The following STK11IP variants were observed in gnomAD, a reference collection of about 807,000 sequenced individuals.
The protein encoded by STK11IP is serine/threonine-protein kinase 11-interacting protein.
Under a neutral mutation model 131.7 loss-of-function variants are expected in STK11IP, and 103 were observed. The ratio of observed to expected loss-of-function variants is 0.78; its 90% confidence interval spans 0.67 to 0.92. The LOEUF is 0.92. STK11IP is among the 40% of genes least tolerant of loss of function. The pLI, the probability that STK11IP is intolerant of heterozygous loss-of-function variation, is 0.00. For synonymous variants in STK11IP, 557 were observed against 575.6 expected (o/e 0.97, Z 0.46); for missense variants, 1,315 against 1,385.7 (o/e 0.95, Z 0.81).
Position 219,601,446 on chromosome 2 carries a change from G to A in STK11IP, c.267+6G>A. On this transcript the variant is annotated splice_donor_region_variant and intron_variant, in intron 3 of 24. Transcript: ENST00000456909. ...AGAAAACACTTTCACTCAAGGTTCT[G>A]GGTGTGGGGAAGAGGCAGGATGTGC... The A allele has an allele frequency of 1.2e-6, 2 of 1,613,924 alleles. No homozygotes were observed. Among genetic ancestry groups the A allele is most frequent in the Non-Finnish European group, 1.7e-6 (2 of 1,179,848 alleles).
chr2:219,608,468 G>A (rs1309550902), intron 14 of STK11IP, 38 bp downstream of exon 14: 1 of 1,534,904 alleles, frequency 6.5e-7, no homozygotes. Context: ...TGAGGCCAGG[G>A]GCCCTTGGGA....
At chr2:219,615,402 C>G (rs932993918) in intron 24 of STK11IP, 61 bp downstream of exon 24, 9 of 1,554,136 alleles carry the variant, frequency 5.8e-6, no homozygotes, top group Non-Finnish European at 7.8e-6. Context: ...AGGTTGGGGC[C>G]ATGAGGGCAG....
Position 219,615,132 on chromosome 2 carries a change from T to C in STK11IP, c.2908T>C (p.Ser970Pro). Reference protein sequence around the residue: ...TCLVSLLLTPSTLFLLDEDAA... With the variant: ...TCLVSLLLTPPTLFLLDEDAA... ...CCTCGTATCCCTGTTGCTGACTCCGTCCACCCTGTTCCTGTTAGATGAGGA... is the reference window on the plus strand; with the variant it reads ...CCTCGTATCCCTGTTGCTGACTCCGCCCACCCTGTTCCTGTTAGATGAGGA... The change falls in exon 24 of 25, where the codon TCC (serine) becomes CCC (proline). Residue 970 changes from serine (S) to proline (P), a missense_variant. By Grantham distance (74) the Ser-to-Pro change is moderately conservative. Transcript: ENST00000456909. The C allele has an allele frequency of 6.2e-7, 1 of 1,609,104 alleles. No individual in the cohort carries two copies. Among genetic ancestry groups the C allele is most frequent in the Non-Finnish European group, 8.5e-7 (1 of 1,178,988 alleles).
chr2:219,612,659 C>T (rs547979216), intron 19 of STK11IP, among the ~76,000 whole-genome samples: 1 of 152,116 alleles, frequency 6.6e-6, no homozygotes, highest in African/African-American at 2.4e-5. Flanking sequence ...CCGAGAGTGT[C>T]GCTGGTGGGG....
At chr2:219,614,052 A>T (rs1698496814) in intron 21 of STK11IP, 109 bp from the exon 22 acceptor site, 2 of 1,523,792 alleles carry the variant, frequency 1.3e-6, no homozygotes, top group African/African-American at 1.4e-5. Context: ...TCCCTTGTAG[A>T]AGTTTCTGAA....
chr2:219,598,815 TGTG>T (rs962760142), intron 2 of STK11IP, among the ~76,000 whole-genome samples: 5 of 152,250 alleles, frequency 3.3e-5, no homozygotes, highest in African/African-American at 1.2e-4. Flanking sequence ...TGGCATTAGT[TGTG>T]GTAGAAAAAG....
At chr2:219,612,372 G>A (rs958606701) in intron 19 of STK11IP, among the ~76,000 whole-genome samples, 7 of 152,342 alleles carry the variant, frequency 4.6e-5, no homozygotes, top group East Asian at 1.9e-4. Context: ...ACATGATGTC[G>A]TTAGGCCTTT....
chr2:219,603,147 T>C (rs557307869), intron 7 of STK11IP, among the ~76,000 whole-genome samples: 61 of 147,666 alleles, frequency 4.1e-4, no homozygotes, highest in African/African-American at 1.3e-3. Context: ...GTTCAAGCAA[T>C]TCTCCTGCTT....
At chr2:219,604,048 G>A (rs1159132851) in intron 7 of STK11IP, among the ~76,000 whole-genome samples, 1 of 152,166 alleles carries the variant, frequency 6.6e-6, no homozygotes, top group Non-Finnish European at 1.5e-5. Flanking sequence ...TTTGCTAAAA[G>A]TTAGGCTCCT....
intron 16 of STK11IP, 44 bp from the exon 17 acceptor site, chr2:219,609,319 G>T: frequency 6.2e-7 from 1 of 1,602,908 alleles, no homozygotes; most frequent in East Asian, 2.2e-5. Context: ...GTGTCCGTCT[G>T]GGGTCCGCCT....
chr2:219,599,745 T>G (rs1442785682), intron 2 of STK11IP, among the ~76,000 whole-genome samples: 6 of 152,124 alleles, frequency 3.9e-5, no homozygotes, highest in Non-Finnish European at 7.4e-5. Flanking sequence ...AATTTTTTTT[T>G]TTTTTTGAGA....
chr2:219,612,141 A>G, intron 19 of STK11IP, 83 bp downstream of exon 19: 1 of 1,265,482 alleles, frequency 7.9e-7, no homozygotes, highest in Non-Finnish European at 1.1e-6. Context: ...AGTCAGATCA[A>G]GCACTCTAGA....
At position 219,611,955 on chromosome 2, in the gene STK11IP, C is replaced by T. The variant is rs774847500; in HGVS notation, c.2336C>T (p.Pro779Leu). ...GCTGATGCCCCCTCATTGCCCTCAG[C>T]CCCTGAGCGCTGTGGCCTCCGCTCT... is the stretch of plus-strand genomic sequence containing the variant. ...RDHGSWSLSP[P>L]PERCGLRSVD... The change falls in exon 19 of 25, where the codon CCC (proline) becomes CTC (leucine). Residue 779 changes from proline (P) to leucine (L), a missense_variant and splice_region_variant. By Grantham distance (98) the Pro-to-Leu change is moderately conservative. Coordinates refer to ENST00000456909, the MANE Select transcript of STK11IP (RefSeq NM_052902.4). 23 of 1,591,838 alleles carry T rather than the reference C, an allele frequency of 1.4e-5. No individual in the cohort carries two copies. In the South Asian group the frequency reaches 2.3e-4, roughly 16 times the overall value.
intron 17 of STK11IP, among the ~76,000 whole-genome samples, chr2:219,610,838 T>C (rs957641133): frequency 1.3e-5 from 2 of 152,228 alleles, no homozygotes; most frequent in Admixed American, 1.3e-4. Flanking sequence ...AAAGGTCTCC[T>C]GTAAATGGTA....
chr2:219,602,339 C>G (rs1319259938), intron 5 of STK11IP, 129 bp from the exon 6 acceptor site: 1 of 744,058 alleles, frequency 1.3e-6, no homozygotes, highest in Admixed American at 2.6e-5. Context: ...GGGACCTGGG[C>G]TTTAAGCCTG....
chr2:219,606,396 T>C, intron 10 of STK11IP, 80 bp from the exon 11 acceptor site: 1 of 1,558,430 alleles, frequency 6.4e-7, no homozygotes, highest in Non-Finnish European at 8.7e-7. Context: ...ACCTGGACCC[T>C]GCTTACTGTG....
intron 4 of STK11IP, 136 bp from the exon 5 acceptor site, chr2:219,601,852 C>A: frequency 8.1e-7 from 1 of 1,241,660 alleles, no homozygotes; most frequent in Non-Finnish European, 1.2e-6. Flanking sequence ...GTGATATCCA[C>A]TGTCTTTCCA....
In STK11IP at chr2:219,608,316, G is replaced by T; in HGVS notation, c.1489G>T (p.Glu497Ter). ...SEEVRAEPQEEEEEKEGKEEK... is the reference protein window; with the variant it reads ...SEEVRAEPQE Reference sequence around the variant, plus strand: ...GGAGGTCAGGGCGGAGCCACAGGAGGAGGAAGAGGAGAAGGAGGGGAAGGA... The same window carrying T: ...GGAGGTCAGGGCGGAGCCACAGGAGTAGGAAGAGGAGAAGGAGGGGAAGGA... The change falls in exon 14 of 25, where the codon GAG becomes TAG. Residue 497 changes from glutamate (E) to a stop codon, truncating the protein, a stop_gained. Transcript: ENST00000456909. LOFTEE classifies it high-confidence loss of function. 1 of 1,605,586 alleles carries T rather than the reference G, an allele frequency of 6.2e-7. No homozygotes were observed. Among genetic ancestry groups the T allele is most frequent in the East Asian group, 2.2e-5 (1 of 44,446 alleles).
In STK11IP at chr2:219,602,675, G is replaced by A. The variant is rs780098900; in HGVS notation, c.547-30G>A. On this transcript the variant is annotated intron_variant, in intron 6 of 24. Coordinates refer to ENST00000456909, the MANE Select transcript of STK11IP (RefSeq NM_052902.4). ...ACCAGATAGTATTGTAGTGAACATC[G>A]ATTCTCTGCCTCCTCCCCGTCTCTC... The A allele has an allele frequency of 8.1e-6, 13 of 1,613,010 alleles. No individual in the cohort carries two copies. In the African/African-American group the frequency reaches 1.1e-4, roughly 13 times the overall value.
Sources: allele counts gnomAD v4.1 joint callset (sites outside exome capture counted in the v4.1 genomes callset), GRCh38; gene constraint gnomAD v4.1.1; transcripts MANE v1.5; gene names NCBI Gene and HGNC (gene_info 2026-07-23, HGNC 2026-07-21).